The following RUFY4 variants were observed in gnomAD, a reference collection of about 807,000 sequenced individuals.
RUFY4 encodes RUN and FYVE domain containing 4, also known as RUN and FYVE domain-containing protein 4.
In RUFY4, 73 loss-of-function variants were observed where a neutral mutation model predicts 69.0. The observed-to-expected ratio is 1.06, with a 90% CI of 0.88 to 1.29. The LOEUF (loss-of-function observed/expected upper bound fraction) is 1.29, where lower values mean the gene tolerates loss of function less well. RUFY4 is among the 50% of genes most tolerant of loss of function. The probability of loss-of-function intolerance (pLI) is 0.00; values close to 1 mark genes in which losing one functional copy is unlikely to be tolerated. For synonymous variants in RUFY4, 287 were observed against 271.8 expected (o/e 1.06, Z -0.55); for missense variants, 770 against 705.6 (o/e 1.09, Z -1.03).
intron 2 of RUFY4, among the ~76,000 whole-genome samples, chr2:218,045,763 C>T (rs534287087): frequency 6.6e-6 from 1 of 151,584 alleles, no homozygotes; most frequent in African/African-American, 2.4e-5. Context: ...TAAAAATTGG[C>T]AAATATGTAC....
At chr2:218,051,124 C>G (rs1033939687) in intron 2 of RUFY4, among the ~76,000 whole-genome samples, 1 of 152,144 alleles carries the variant, frequency 6.6e-6, no homozygotes, top group Non-Finnish European at 1.5e-5. Context: ...ATCTTCCCAC[C>G]TCAGCCTCCC....
At chr2:218,075,197 G>C in exon 7 of RUFY4, 1 of 1,558,542 alleles carries the variant, frequency 6.4e-7, no homozygotes, top group Non-Finnish European at 8.7e-7. Context: ...AGCTGGCAGG[G>C]CTTCCCAGGT....
intron 8 of RUFY4, among the ~76,000 whole-genome samples, chr2:218,082,757 A>T (rs1170554938): frequency 6.7e-6 from 1 of 148,368 alleles, no homozygotes; most frequent in Non-Finnish European, 1.5e-5. Flanking sequence ...TGTGCATTAT[A>T]TATGTGTTGT....
At chr2:218,061,493 T>C (rs1482042044) in intron 3 of RUFY4, 3 of 167,752 alleles carry the variant, frequency 1.8e-5, no homozygotes, top group Admixed American at 1.1e-4. Context: ...TTCTTGCCTA[T>C]CCATCCAAGA....
intron 2 of RUFY4, among the ~76,000 whole-genome samples, chr2:218,052,370 A>G (rs989552143): frequency 6.6e-6 from 1 of 152,164 alleles, no homozygotes; most frequent in African/African-American, 2.4e-5. Flanking sequence ...TTTTTCTAAA[A>G]ACCATGCATT....
At chr2:218,039,233 TA>T (rs1257176823) in intron 2 of RUFY4, among the ~76,000 whole-genome samples, 2 of 152,202 alleles carry the variant, frequency 1.3e-5, no homozygotes, top group Non-Finnish European at 2.9e-5. Context: ...TGTGGCATGA[TA>T]AATTTGACAT....
chr2:218,067,760 A>G (rs1689378463), upstream of RUFY4, among the ~76,000 whole-genome samples: 1 of 151,994 alleles, frequency 6.6e-6, no homozygotes, highest in South Asian at 2.1e-4. Context: ...TCTCGCCTTG[A>G]TCATCCACCT....
At chr2:218,078,399 C>T (rs1482740156) in intron 8 of RUFY4, among the ~76,000 whole-genome samples, 2 of 152,074 alleles carry the variant, frequency 1.3e-5, no homozygotes, top group Non-Finnish European at 2.9e-5. Flanking sequence ...AAACAAAGGC[C>T]CTGATGGAGG....
chr2:218,038,660 G>A (rs1422137738), intron 2 of RUFY4, among the ~76,000 whole-genome samples: 2 of 152,136 alleles, frequency 1.3e-5, no homozygotes, highest in Non-Finnish European at 2.9e-5. Context: ...ACTCCCAGTG[G>A]CTTAAAAACA....
chr2:218,074,089 C>T, intron 6 of RUFY4: 1 of 620,304 alleles, frequency 1.6e-6, no homozygotes, highest in Non-Finnish European at 2.9e-6. Context: ...GTGGCGGGGA[C>T]ACTGGGAGAG....
chr2:218,041,628 C>T (rs1416146413), intron 2 of RUFY4, among the ~76,000 whole-genome samples: 2 of 151,966 alleles, frequency 1.3e-5, no homozygotes, highest in Admixed American at 6.6e-5. Flanking sequence ...TATACAGCTG[C>T]TTTATTTGGT....
intron 2 of RUFY4, among the ~76,000 whole-genome samples, chr2:218,052,383 G>T (rs567591629): frequency 6.6e-6 from 1 of 152,162 alleles, no homozygotes; most frequent in South Asian, 2.1e-4. Context: ...CATGCATTCC[G>T]TTGCCCAAGG....
intron 5 of RUFY4, 127 bp from the exon 8 acceptor site, chr2:218,073,689 G>C (rs1244010888): frequency 5.0e-6 from 5 of 1,001,504 alleles, no homozygotes; most frequent in African/African-American, 1.6e-5. Context: ...GCATGAGGGT[G>C]GGTGGGCAGG....
At chr2:218,059,305 G>T (rs1574500157) in intron 3 of RUFY4, 1 of 156,846 alleles carries the variant, frequency 6.4e-6, no homozygotes, top group South Asian at 2.1e-4. Context: ...ACATTTAAGT[G>T]TACAGTTTAG....
At chr2:218,036,130 A>AG (rs1335527055) in intron 2 of RUFY4, among the ~76,000 whole-genome samples, 1 of 152,188 alleles carries the variant, frequency 6.6e-6, no homozygotes, top group Non-Finnish European at 1.5e-5. Context: ...CTAGCCTCCC[A>AG]GGGTTATGTG....
chr2:218,056,485 C>G (rs1689069150), intron 2 of RUFY4, among the ~76,000 whole-genome samples: 1 of 152,106 alleles, frequency 6.6e-6, no homozygotes, highest in Admixed American at 6.5e-5. Context: ...TGTACTTTCC[C>G]CTCAATGTAA....
At chr2:218,051,114 A>G (rs573203958) in intron 2 of RUFY4, among the ~76,000 whole-genome samples, 11 of 152,272 alleles carry the variant, frequency 7.2e-5, no homozygotes, top group South Asian at 4.1e-4. Flanking sequence ...GGCCCAAGCA[A>G]TCTTCCCACC....
intron 8 of RUFY4, among the ~76,000 whole-genome samples, chr2:218,078,538 C>T (rs190275544): frequency 5.1e-4 from 78 of 152,190 alleles, no homozygotes; most frequent in East Asian, 4.6e-3. Flanking sequence ...GCGAGGTCAT[C>T]GGAAGTGCCT....
Position 218,058,881 on chromosome 2 carries a change from C to T in RUFY4, c.-1071+200C>T, listed in dbSNP as rs374239882. Among the ~76,000 whole-genome samples the T allele has an allele frequency of 4.6e-5, 7 of 152,190 alleles. No homozygotes were observed. In the East Asian group the frequency reaches 1.3e-3, roughly 29 times the overall value. On this transcript the variant is annotated intron_variant and NMD_transcript_variant, in intron 3 of 13. Transcript: ENST00000457754. ...GTCCCACCCCTGACACTCCTGACTA[C>T]TGCTTCACCCAAGGATATGAGATGC...
Sources: allele counts gnomAD v4.1 joint callset (sites outside exome capture counted in the v4.1 genomes callset), GRCh38; gene constraint gnomAD v4.1.1; transcripts MANE v1.5; gene names NCBI Gene and HGNC (gene_info 2026-07-23, HGNC 2026-07-21).